EIF4E3: variants seen among roughly 807,000 people sequenced by gnomAD.
EIF4E3 encodes the protein eukaryotic translation initiation factor 4E family member 3.
A neutral mutation model predicts 31.7 loss-of-function variants in EIF4E3; 26 were observed. That is an observed-to-expected ratio of 0.82 (90% CI 0.60 to 1.14). The LOEUF (loss-of-function observed/expected upper bound fraction) is 1.14. EIF4E3 is among the 50% of genes most tolerant of loss of function. The pLI, the probability that EIF4E3 is intolerant of heterozygous loss-of-function variation, is 0.00. For missense variants in EIF4E3, 304 were observed against 270.9 expected (o/e 1.12, Z -0.86); for synonymous variants, 128 against 107.7 (o/e 1.19, Z -1.17).
At position 71,695,436 on chromosome 3, in the gene EIF4E3, T is replaced by C. The variant is rs73837557; in HGVS notation, c.405+1024A>G. On this transcript the variant is annotated intron_variant, in intron 4 of 6. Coordinates refer to ENST00000425534, the MANE Select transcript of EIF4E3 (RefSeq NM_001134651.2). ...ATGTTGACATCATGATTACTTCTAC[T>C]AGAGTTCAAAGTCTAGTAAATAAAG... 7.0e-3 allele frequency among the ~76,000 whole-genome samples: 1,065 copies of C among 152,308 alleles called. 12 individuals carry two copies. The highest frequency in any genetic ancestry group is 0.024 in the African/African-American group (1,016 of 41,560).
rs1474427228 is a variant in EIF4E3 at position 71,690,124 on chromosome 3, C to T, written c.514G>A (p.Glu172Lys). ...IGVSVSVRDR[E>K]DVVQVWNVNA... is the part of the protein sequence containing the mutation. Reference sequence around the variant, plus strand: ...ACATTCCAGACTTGGACGACGTCTTCTCGGTCCCGAACACTGACACTAACT... The same window carrying T: ...ACATTCCAGACTTGGACGACGTCTTTTCGGTCCCGAACACTGACACTAACT... Residue 172 changes from glutamate to lysine, a missense_variant, in exon 6 of 7, where the codon GAA (glutamate) becomes AAA (lysine). Glu to Lys is a moderately conservative substitution (Grantham distance 56). Transcript: ENST00000425534. 1 of 1,613,570 alleles carries T rather than the reference C, an allele frequency of 6.2e-7. No individual in the cohort carries two copies. The highest frequency in any genetic ancestry group is 1.3e-5 in the African/African-American group (1 of 74,844).
intron 1 of EIF4E3, among the ~76,000 whole-genome samples, chr3:71,733,644 G>A (rs1055343725): frequency 2.0e-5 from 3 of 152,106 alleles, no homozygotes; most frequent in African/African-American, 4.8e-5. Context: ...TCACCTTTGA[G>A]GTCCTCAGAG....
At chr3:71,699,218 C>A (rs1403954363) in intron 3 of EIF4E3, among the ~76,000 whole-genome samples, 1 of 151,864 alleles carries the variant, frequency 6.6e-6, no homozygotes, top group African/African-American at 2.4e-5. Flanking sequence ...CAGAGTGAGA[C>A]CTGGTCTCAA....
At chr3:71,732,011 C>T (rs1437861422) in intron 1 of EIF4E3, among the ~76,000 whole-genome samples, 1 of 151,974 alleles carries the variant, frequency 6.6e-6, no homozygotes, top group African/African-American at 2.4e-5. Flanking sequence ...ACAGATTTGT[C>T]CCTATTTCTT....
chr3:71,691,209 T>G (rs1030010811), intron 5 of EIF4E3, among the ~76,000 whole-genome samples: 1 of 152,192 alleles, frequency 6.6e-6, no homozygotes, highest in Non-Finnish European at 1.5e-5. Flanking sequence ...AAATTTTGCT[T>G]TAGTTAGTAT....
chr3:71,729,808 G>GTGTGTGTGTGTGTT (rs2049684322), upstream of EIF4E3, among the ~76,000 whole-genome samples: 1 of 133,922 alleles, frequency 7.5e-6, no homozygotes, highest in Non-Finnish European at 1.5e-5. Context: ...ATGTGTGTGT[G>GTGTGTGTGTGTGTT]TGTGTGTGTG....
chr3:71,671,590 T>C (rs1226347583), downstream of EIF4E3, among the ~76,000 whole-genome samples: 2 of 152,096 alleles, frequency 1.3e-5, no homozygotes, highest in Admixed American at 1.3e-4. Context: ...AAATGAGAGA[T>C]GGGCCCGTGT....
chr3:71,666,667 T>G, the EIF4E3 span, among the ~76,000 whole-genome samples: 2 of 152,296 alleles, frequency 1.3e-5, no homozygotes, highest in South Asian at 4.2e-4. Context: ...CCCAGCACGG[T>G]GGCTCCTGCC....
At chr3:71,659,630 C>G in the EIF4E3 span, among the ~76,000 whole-genome samples, 1 of 152,126 alleles carries the variant, frequency 6.6e-6, no homozygotes, top group African/African-American at 2.4e-5. Context: ...AACATTATTA[C>G]TTTAAAACTT....
intron 1 of EIF4E3, among the ~76,000 whole-genome samples, chr3:71,716,918 T>C (rs757325343): frequency 1.3e-5 from 2 of 152,306 alleles, no homozygotes; most frequent in Non-Finnish European, 2.9e-5. Context: ...CAAATATGCC[T>C]TCCCCATTAA....
chr3:71,754,445 G>A (rs1334502270), upstream of EIF4E3: 104 of 1,342,042 alleles, frequency 7.7e-5, no homozygotes, highest in Non-Finnish European at 9.9e-5. The surrounding 1 kb of genome is among the most constrained non-coding windows in gnomAD (Gnocchi z 5.8). Context: ...TCTATGCAGA[G>A]CGCCTGGCCG....
At position 71,683,627 on chromosome 3, in the gene EIF4E3, A is replaced by C. The variant is rs906358738; in HGVS notation, c.*1055T>G. 3.3e-5 allele frequency: 5 copies of C among 152,352 alleles called. No homozygotes were observed. The highest frequency in any genetic ancestry group is 1.2e-4 in the African/African-American group (5 of 41,580). The allele number at this position is 152,352 out of a possible 1,614,324, so 9.4% of individuals were successfully genotyped here. A position where few individuals can be genotyped will look rare whatever the true frequency, so the allele number is the denominator to read the frequency against. On this transcript the variant is annotated 3_prime_UTR_variant, in exon 7 of 7. Coordinates refer to ENST00000425534, the MANE Select transcript of EIF4E3 (RefSeq NM_001134651.2). ...TTCAACTTTGTAAATGTTCACATGC[A>C]TCCTGGAAATGAGATTTAACTTCCT... is the stretch of plus-strand genomic sequence containing the variant.
intron 4 of EIF4E3, 104 bp downstream of exon 4, chr3:71,696,356 G>T: frequency 1.6e-6 from 2 of 1,229,488 alleles, no homozygotes; most frequent in South Asian, 1.3e-5. Context: ...CCTGTTTGGG[G>T]ACTGCCAGGT....
Position 71,681,363 on chromosome 3 carries a change from A to G in EIF4E3, c.*3319T>C, listed in dbSNP as rs1480396759. ...GTTCCAAAGGCTGTCAGTTTTGTCT[A>G]AAGACACAAGCTGGGATCCTCTAAG... On this transcript the variant is annotated 3_prime_UTR_variant, in exon 7 of 7. Coordinates refer to ENST00000425534, the MANE Select transcript of EIF4E3 (RefSeq NM_001134651.2). 4 of 152,242 alleles carry G rather than the reference A, an allele frequency of 2.6e-5. No individual in the cohort carries two copies. The highest frequency in any genetic ancestry group is 7.2e-5 in the African/African-American group (3 of 41,458). The allele number at this position is 152,242 out of a possible 1,614,324, so 9.4% of individuals were successfully genotyped here.
chr3:71,736,690 T>C (rs935722948), intron 1 of EIF4E3, among the ~76,000 whole-genome samples: 6 of 152,186 alleles, frequency 3.9e-5, no homozygotes, highest in Non-Finnish European at 8.8e-5. Context: ...AAGATTTTTA[T>C]GAAAATAAAA....
the EIF4E3 span, among the ~76,000 whole-genome samples, chr3:71,668,005 A>G: frequency 6.6e-6 from 1 of 152,182 alleles, no homozygotes; most frequent in Non-Finnish European, 1.5e-5. Flanking sequence ...TTCAAACTAT[A>G]CTACAAGTCT....
downstream of EIF4E3, among the ~76,000 whole-genome samples, chr3:71,670,745 T>C (rs1458784273): frequency 1.3e-5 from 2 of 152,146 alleles, no homozygotes; most frequent in African/African-American, 4.8e-5. Context: ...GAAGCATTAC[T>C]ATCAAGATCT....
intron 6 of EIF4E3, among the ~76,000 whole-genome samples, chr3:71,685,518 C>T (rs973083696): frequency 4.6e-5 from 7 of 152,020 alleles, no homozygotes; most frequent in Non-Finnish European, 7.4e-5. Context: ...TGTGCCACCA[C>T]GTCCAGCTAA....
At chr3:71,716,887 C>T (rs191391920) in intron 1 of EIF4E3, among the ~76,000 whole-genome samples, 25 of 152,320 alleles carry the variant, frequency 1.6e-4, no homozygotes, top group Admixed American at 1.0e-3. Flanking sequence ...CTGCAGCTTA[C>T]AATCCTCCAT....
Sources: gnomAD v4.1 joint callset for allele counts (sites outside exome capture counted in the v4.1 genomes callset) on GRCh38, gnomAD v4.1.1 for gene constraint, Gnocchi (gnomAD v3.1) non-coding constraint, MANE v1.5 for transcripts, NCBI Gene and HGNC (gene_info 2026-07-23, HGNC 2026-07-21) for gene names.